RMDN2: variants seen among roughly 807,000 people sequenced by gnomAD.
The protein encoded by RMDN2 is regulator of microtubule dynamics protein 2.
RMDN2 carries 61 observed loss-of-function variants against 52.8 expected under a neutral mutation model. The observed-to-expected ratio is 1.16, with a 90% CI of 0.94 to 1.43. The LOEUF (loss-of-function observed/expected upper bound fraction) is 1.43. Ranked by LOEUF, RMDN2 falls within the 40% of genes most tolerant of loss-of-function variation. The pLI, the probability that RMDN2 is intolerant of heterozygous loss-of-function variation, is 0.00. For synonymous variants in RMDN2, 180 were observed against 153.1 expected (o/e 1.18, Z -1.30); for missense variants, 592 against 475.3 (o/e 1.25, Z -2.28).
At chr2:37,928,075 C>T (rs556089984) in intron 1 of RMDN2, among the ~76,000 whole-genome samples, 1 of 152,192 alleles carries the variant, frequency 6.6e-6, no homozygotes, top group Admixed American at 6.5e-5. Flanking sequence ...TCTTAAATCT[C>T]TTGGATATAA....
At chr2:38,017,766 G>A, downstream of RMDN2, 1 of 298,112 alleles carries the variant, frequency 3.4e-6, no homozygotes, top group Admixed American at 5.2e-5. Flanking sequence ...TCGTGTCCAT[G>A]TGAAGAGACC....
chr2:37,995,204 A>T (rs756902539), intron 7 of RMDN2, among the ~76,000 whole-genome samples: 22 of 152,158 alleles, frequency 1.4e-4, no homozygotes, highest in Non-Finnish European at 2.4e-4. Context: ...TAGAAAGTAA[A>T]CATGTAGAAA....
At chr2:38,066,873 A>G in intron 10 of RMDN2, 2 of 969,800 alleles carry the variant, frequency 2.1e-6, no homozygotes, top group Non-Finnish European at 3.3e-6. Flanking sequence ...GTATTCTCTT[A>G]AACCACTCCA....
At chr2:37,989,806 T>A (rs1214855467) in intron 6 of RMDN2, among the ~76,000 whole-genome samples, 190 bp downstream of exon 6, 2 of 152,176 alleles carry the variant, frequency 1.3e-5, no homozygotes, top group Non-Finnish European at 2.9e-5. Context: ...ACTCTTTAAA[T>A]AGTACTGTGA....
In RMDN2 at chr2:38,041,427, G is replaced by GGTTTT. The variant is rs376036805; in HGVS notation, c.1714-25555_1714-25554insGTTTT. Among the ~76,000 whole-genome samples the GGTTTT allele has an allele frequency of 8.4e-4, 101 of 120,078 alleles. 2 individuals carry two copies. In the South Asian group the frequency reaches 0.024, roughly 28 times the overall value. 78.8% of individuals were successfully genotyped at this position (120,078 alleles called of 152,430 possible). The stretch of plus-strand genomic sequence containing the variant: ...TCTTCTTTCCTCATTTTTTTTATTG[G>GGTTTT]TTTTTTTTTTTTTTTTGGACGTTTT... On this transcript the variant is annotated intron_variant, in intron 10 of 10. Coordinates refer to the RMDN2 transcript ENST00000234195.
intron 10 of RMDN2, among the ~76,000 whole-genome samples, chr2:38,027,530 T>C (rs13431277): frequency 0.35 from 53,504 of 151,854 alleles, 10,967 homozygotes; most frequent in East Asian, 0.68. Flanking sequence ...CTTTTTAAAA[T>C]AAGTTTTTAT....
downstream of RMDN2, among the ~76,000 whole-genome samples, chr2:38,020,627 C>T (rs933455107): frequency 1.3e-5 from 2 of 152,220 alleles, no homozygotes; most frequent in African/African-American, 4.8e-5. Context: ...GCCCTGCCGG[C>T]CCAGGCAATG....
intron 2 of RMDN2, among the ~76,000 whole-genome samples, chr2:37,962,819 G>T (rs1271391545): frequency 2.0e-5 from 3 of 152,138 alleles, no homozygotes; most frequent in African/African-American, 7.2e-5. Context: ...GAAACCCAGG[G>T]CCCTTTTGGT....
intron 10 of RMDN2, among the ~76,000 whole-genome samples, chr2:38,044,707 G>A (rs554057595): frequency 5.8e-4 from 88 of 151,548 alleles, no homozygotes; most frequent in Non-Finnish European, 1.1e-3. Flanking sequence ...CTATATTTTT[G>A]TTACAGCATT....
intron 2 of RMDN2, among the ~76,000 whole-genome samples, chr2:37,939,788 A>G (rs901839039): frequency 6.6e-6 from 1 of 152,138 alleles, no homozygotes; most frequent in Non-Finnish European, 1.5e-5. Flanking sequence ...GTGTCTTTGC[A>G]TGTGAGATGG....
At chr2:38,057,048 A>G (rs1681878091) in intron 10 of RMDN2, among the ~76,000 whole-genome samples, 1 of 152,208 alleles carries the variant, frequency 6.6e-6, no homozygotes, top group South Asian at 2.1e-4. Context: ...CCAGGGCTCT[A>G]GCACAGTCCA....
At chr2:37,972,479 A>G (rs1671934709) in intron 2 of RMDN2, among the ~76,000 whole-genome samples, 1 of 152,208 alleles carries the variant, frequency 6.6e-6, no homozygotes, top group Non-Finnish European at 1.5e-5. Flanking sequence ...GTGATAGAAG[A>G]TAAGACCAGA....
At chr2:38,022,435 C>T (rs149342036), downstream of RMDN2, among the ~76,000 whole-genome samples, 113 of 152,264 alleles carry the variant, frequency 7.4e-4, no homozygotes, top group African/African-American at 2.5e-3. Flanking sequence ...ATTGTTCCTG[C>T]TAGATCACGA....
At chr2:38,010,146 T>G (rs1677743873) in intron 10 of RMDN2, among the ~76,000 whole-genome samples, 1 of 152,192 alleles carries the variant, frequency 6.6e-6, no homozygotes, top group South Asian at 2.1e-4. Context: ...CCAGTTAGGC[T>G]ACTCAGGGGT....
At chr2:37,927,321 G>T (rs1217310084) in intron 1 of RMDN2, among the ~76,000 whole-genome samples, 2 of 152,220 alleles carry the variant, frequency 1.3e-5, no homozygotes, top group African/African-American at 4.8e-5. Flanking sequence ...TCACTTCCCA[G>T]TTGGGTGATC....
chr2:38,015,828 A>G (rs1342613759), intron 10 of RMDN2, among the ~76,000 whole-genome samples: 1 of 152,236 alleles, frequency 6.6e-6, no homozygotes, highest in African/African-American at 2.4e-5. Flanking sequence ...GTTCCTCCAC[A>G]GCAGAATTGG....
intron 10 of RMDN2, among the ~76,000 whole-genome samples, chr2:38,037,742 A>G (rs1318723850): frequency 1.3e-5 from 2 of 152,246 alleles, no homozygotes; most frequent in Non-Finnish European, 2.9e-5. Context: ...AATTCAAGGA[A>G]GGAGACCTAC....
At chr2:38,005,871 A>G (rs1279110123) in intron 10 of RMDN2, among the ~76,000 whole-genome samples, 1 of 152,166 alleles carries the variant, frequency 6.6e-6, no homozygotes, top group Non-Finnish European at 1.5e-5. Flanking sequence ...TCTTGAATTA[A>G]TTTTTGTATA....
In RMDN2 at chr2:37,997,480, C is replaced by G; in HGVS notation, c.1010C>G (p.Ser337Ter). The G allele has an allele frequency of 1.9e-6, 3 of 1,613,494 alleles. No homozygotes were observed. The highest frequency in any genetic ancestry group is 1.7e-6 in the Non-Finnish European group (2 of 1,179,504). Reference protein sequence around the residue: ...AATLFGKIPSSTVQEALHNFL... With the variant: ...AATLFGKIPS ...ACTCTGTTTGGAAAAATACCATCTT[C>G]AACTGTACAAGAAGCTTTACACAAT... Residue 337 changes from serine to a stop codon, truncating the protein, a stop_gained, in exon 8 of 11, where the codon TCA becomes TGA. Coordinates refer to ENST00000354545, the MANE Select transcript of RMDN2 (RefSeq NM_001170791.3). LOFTEE classifies it high-confidence loss of function.
Sources: allele counts gnomAD v4.1 joint callset (sites outside exome capture counted in the v4.1 genomes callset), GRCh38; gene constraint gnomAD v4.1.1; transcripts MANE v1.5; gene names NCBI Gene and HGNC (gene_info 2026-07-23, HGNC 2026-07-21).